The following BANK1 variants were observed in gnomAD, a reference collection of about 807,000 sequenced individuals.
BANK1 encodes B-cell scaffold protein with ankyrin repeats.
A neutral mutation model predicts 94.5 loss-of-function variants in BANK1; 95 were observed. The ratio of observed to expected loss-of-function variants is 1.00; its 90% CI spans 0.85 to 1.19. BANK1 has a LOEUF of 1.19. BANK1 is among the 50% of genes most tolerant of loss of function. The pLI is 0.00. For missense variants in BANK1, 987 were observed against 932.2 expected, an observed-to-expected ratio of 1.06 and a Z score of -0.77; for synonymous variants, 334 against 308.4, an observed-to-expected ratio of 1.08 and a Z score of -0.87.
Position 101,820,834 on chromosome 4 carries a change from T to C in BANK1, c.71-8974T>C, listed in dbSNP as rs151135118. On this transcript the variant is annotated intron_variant, in intron 1 of 16. Transcript: ENST00000322953. ...TTTTTTATGGGTGCATAGTATTCCA[T>C]GGTGTGTATGTACCACATTCTTTTT... 9.0e-3 allele frequency among the ~76,000 whole-genome samples: 1,366 copies of C among 152,362 alleles called. 10 individuals are homozygous for C. Among genetic ancestry groups the C allele is most frequent in the Middle Eastern group, 0.027 (8 of 294 alleles).
chr4:102,049,189 A>T (rs988475804), intron 11 of BANK1, among the ~76,000 whole-genome samples: 1 of 152,150 alleles, frequency 6.6e-6, no homozygotes, highest in Non-Finnish European at 1.5e-5. Context: ...TGCTTGCATT[A>T]TTTGGTCTCT....
intron 11 of BANK1, among the ~76,000 whole-genome samples, chr4:102,049,975 G>A (rs377087141): frequency 6.0e-4 from 92 of 152,288 alleles, no homozygotes; most frequent in African/African-American, 2.0e-3. Context: ...AGGGCTCTGC[G>A]TTTGCAGATA....
intron 10 of BANK1, among the ~76,000 whole-genome samples, chr4:102,042,248 G>T (rs1031144977): frequency 6.6e-6 from 1 of 151,914 alleles, no homozygotes; most frequent in African/African-American, 2.4e-5. Flanking sequence ...ATATCCTAAC[G>T]TATAGTCATA....
At chr4:101,981,130 A>G (rs1220729268) in intron 7 of BANK1, among the ~76,000 whole-genome samples, 2 of 152,100 alleles carry the variant, frequency 1.3e-5, no homozygotes, top group African/African-American at 4.8e-5. Flanking sequence ...GATAGTGGGC[A>G]TCCTTGCCTT....
At chr4:101,801,437 G>GA (rs893265196) in intron 1 of BANK1, among the ~76,000 whole-genome samples, 11 of 151,846 alleles carry the variant, frequency 7.2e-5, no homozygotes, top group East Asian at 1.9e-4. Flanking sequence ...TCAGCTTTCA[G>GA]AAAAAAAATT....
chr4:102,065,516 G>A (rs963739604), intron 13 of BANK1, among the ~76,000 whole-genome samples: 1 of 152,060 alleles, frequency 6.6e-6, no homozygotes, highest in African/African-American at 2.4e-5. Flanking sequence ...ATAATGTCCA[G>A]TGTTCAATTA....
chr4:101,811,855 T>C (rs1725739824), intron 1 of BANK1, among the ~76,000 whole-genome samples: 1 of 152,130 alleles, frequency 6.6e-6, no homozygotes, highest in Admixed American at 6.5e-5. Flanking sequence ...TAGAATAAAC[T>C]ACTTTGTGTT....
At chr4:101,931,466 G>C (rs983118687) in intron 7 of BANK1, among the ~76,000 whole-genome samples, 1 of 151,358 alleles carries the variant, frequency 6.6e-6, no homozygotes, top group Non-Finnish European at 1.5e-5. Context: ...CTATACCATG[G>C]GATCTCCTAG....
chr4:101,954,104 A>G (rs1724260289), intron 7 of BANK1, among the ~76,000 whole-genome samples: 1 of 151,868 alleles, frequency 6.6e-6, no homozygotes, highest in Admixed American at 6.6e-5. Context: ...TTCCAGCTGC[A>G]TTGCCTCGGT....
At chr4:101,888,987 GC>G (rs1721735581) in intron 5 of BANK1, among the ~76,000 whole-genome samples, 1 of 152,128 alleles carries the variant, frequency 6.6e-6, no homozygotes, top group African/African-American at 2.4e-5. Context: ...TCGAAGGGGT[GC>G]TTTTATATAA....
intron 5 of BANK1, among the ~76,000 whole-genome samples, chr4:101,894,028 T>TG (rs1721973852): frequency 6.6e-6 from 1 of 152,092 alleles, no homozygotes; most frequent in South Asian, 2.1e-4. Context: ...CTTGTGTGTA[T>TG]GGTCATCTCA....
At chr4:102,001,894 G>A (rs1307778950) in intron 7 of BANK1, among the ~76,000 whole-genome samples, 1 of 152,178 alleles carries the variant, frequency 6.6e-6, no homozygotes, top group African/African-American at 2.4e-5. Flanking sequence ...ACAGAATTTG[G>A]AAGCTTAACA....
intron 5 of BANK1, among the ~76,000 whole-genome samples, chr4:101,892,710 C>G (rs189673298): frequency 1.0e-3 from 159 of 151,836 alleles, no homozygotes; most frequent in African/African-American, 3.7e-3. Context: ...TTCAATCTTT[C>G]TTTTTGAAAG....
chr4:101,905,670 T>C (rs1414402620), intron 6 of BANK1, among the ~76,000 whole-genome samples: 1 of 152,210 alleles, frequency 6.6e-6, no homozygotes, highest in Admixed American at 6.5e-5. Context: ...TGCCATTGCC[T>C]GTGCTAGCAG....
At chr4:101,909,555 A>AC (rs1722587422) in intron 6 of BANK1, among the ~76,000 whole-genome samples, 6 of 152,116 alleles carry the variant, frequency 3.9e-5, no homozygotes, top group African/African-American at 1.2e-4. Context: ...CACACACACA[A>AC]AAAAATGCCT....
At chr4:102,017,087 T>G (rs550785207) in intron 7 of BANK1, among the ~76,000 whole-genome samples, 2 of 152,354 alleles carry the variant, frequency 1.3e-5, no homozygotes, top group South Asian at 4.1e-4. Flanking sequence ...TGATACATTG[T>G]TTTAATATTA....
intron 5 of BANK1, among the ~76,000 whole-genome samples, chr4:101,884,405 C>T (rs1217950965): frequency 6.6e-6 from 1 of 152,072 alleles, no homozygotes; most frequent in Admixed American, 6.5e-5. Context: ...TGGTTTTCCT[C>T]TCACTTCTGT....
chr4:101,922,336 T>C (rs1723027663), intron 7 of BANK1, among the ~76,000 whole-genome samples: 2 of 151,966 alleles, frequency 1.3e-5, no homozygotes, highest in African/African-American at 4.8e-5. Context: ...GATTGTTCCA[T>C]TTAATTCAGT....
chr4:101,808,581 C>T (rs746367983), intron 1 of BANK1, among the ~76,000 whole-genome samples: 2 of 151,364 alleles, frequency 1.3e-5, no homozygotes, highest in Admixed American at 6.6e-5. Flanking sequence ...CAATCCACAG[C>T]GTGGGAGAAA....
Sources: gnomAD v4.1 joint callset for allele counts (sites outside exome capture counted in the v4.1 genomes callset) on GRCh38, gnomAD v4.1.1 for gene constraint, MANE v1.5 for transcripts, NCBI Gene and HGNC (gene_info 2026-07-23, HGNC 2026-07-21) for gene names.